CSMD1: variants seen among roughly 807,000 people sequenced by gnomAD.
The protein encoded by CSMD1 is CUB and Sushi multiple domains 1.
CSMD1 carries 213 observed loss-of-function variants against 417.5 expected under a neutral mutation model. The observed-to-expected ratio is 0.51, with a 90% CI of 0.46 to 0.57. The LOEUF (loss-of-function observed/expected upper bound fraction) is 0.57. CSMD1 is among the 20% of genes least tolerant of loss of function. The pLI is 0.00. For missense variants in CSMD1, 6,923 were observed against 4,529.7 expected, an observed-to-expected ratio of 1.53 and a Z score of -15.17; for synonymous variants, 2,862 against 1,736.8, an observed-to-expected ratio of 1.65 and a Z score of -16.11.
intron 2 of CSMD1, among the ~76,000 whole-genome samples, chr8:4,491,355 A>G (rs17343548): frequency 0.082 from 12,448 of 152,190 alleles, 574 homozygotes; most frequent in Middle Eastern, 0.11. Flanking sequence ...CGTGTCCAGG[A>G]TTTTCTAGCA....
intron 3 of CSMD1, among the ~76,000 whole-genome samples, chr8:4,299,239 C>T (rs1797851210): frequency 6.6e-6 from 1 of 152,084 alleles, no homozygotes; most frequent in Non-Finnish European, 1.5e-5. Context: ...TAAAATAAGA[C>T]ACTGTAAATA....
chr8:3,033,223 T>A (rs1247299650), intron 50 of CSMD1, among the ~76,000 whole-genome samples: 6 of 152,128 alleles, frequency 3.9e-5, no homozygotes, highest in Non-Finnish European at 8.8e-5. Flanking sequence ...AGTGAAAACA[T>A]TCTCTTTGAT....
At chr8:4,894,861 T>C (rs968031572) in intron 1 of CSMD1, among the ~76,000 whole-genome samples, 10 of 152,160 alleles carry the variant, frequency 6.6e-5, no homozygotes, top group African/African-American at 2.2e-4. Context: ...GTTCTCTGTG[T>C]GACTTTATAT....
rs189667193 is a variant in CSMD1, at chr8:4,895,778, A to G, written c.85+98554T>C. ...CAAAGATATTAAACTTTACCAAAGT[A>G]AATTTAAAATCAATAAGCTGTACAG... On this transcript the variant is annotated intron_variant, in intron 1 of 69. Transcript: ENST00000635120. Among the ~76,000 whole-genome samples, 27 of 152,210 alleles carry G rather than the reference A, an allele frequency of 1.8e-4. No homozygotes were observed. In the East Asian group the frequency reaches 3.5e-3, roughly 20 times the overall value.
chr8:3,910,457 G>A (rs553616322), intron 5 of CSMD1, among the ~76,000 whole-genome samples: 1 of 152,072 alleles, frequency 6.6e-6, no homozygotes, highest in Non-Finnish European at 1.5e-5. Flanking sequence ...TAAGTGTTCA[G>A]GTTTTATTTT....
intron 3 of CSMD1, among the ~76,000 whole-genome samples, chr8:4,195,566 T>C (rs569693647): frequency 2.6e-5 from 4 of 152,128 alleles, no homozygotes; most frequent in Non-Finnish European, 4.4e-5. Flanking sequence ...ACCAATAGTA[T>C]ATGGTAGAGG....
intron 10 of CSMD1, among the ~76,000 whole-genome samples, chr8:3,510,916 G>T (rs779904692): frequency 6.6e-6 from 1 of 151,708 alleles, no homozygotes; most frequent in Non-Finnish European, 1.5e-5. Context: ...CCCTTCGTCA[G>T]AGATACATGC....
intron 7 of CSMD1, among the ~76,000 whole-genome samples, chr8:3,626,964 T>C (rs1249439508): frequency 6.6e-6 from 1 of 151,696 alleles, no homozygotes; most frequent in Admixed American, 6.6e-5. Flanking sequence ...TTATACAGTG[T>C]TTAGTATTTG....
At chr8:3,759,224 T>A (rs1797849785) in intron 5 of CSMD1, among the ~76,000 whole-genome samples, 1 of 152,206 alleles carries the variant, frequency 6.6e-6, no homozygotes, top group Non-Finnish European at 1.5e-5. Context: ...AGCTTTTATA[T>A]GTCAACCATA....
At chr8:3,420,093 A>G (rs967524104) in intron 12 of CSMD1, among the ~76,000 whole-genome samples, 1 of 152,182 alleles carries the variant, frequency 6.6e-6, no homozygotes, top group African/African-American at 2.4e-5. Context: ...TAACATCATC[A>G]TTGATATTAC....
chr8:3,113,759 C>G (rs1203106077), intron 42 of CSMD1, among the ~76,000 whole-genome samples: 1 of 152,204 alleles, frequency 6.6e-6, no homozygotes, highest in Non-Finnish European at 1.5e-5. Context: ...GAAGCCACAG[C>G]TCGAAGATAC....
chr8:4,768,546 C>T (rs1054620240), intron 1 of CSMD1, among the ~76,000 whole-genome samples: 1 of 152,180 alleles, frequency 6.6e-6, no homozygotes, highest in Non-Finnish European at 1.5e-5. Context: ...TTGTTTGAGC[C>T]TCTTCTGTAG....
intron 10 of CSMD1, among the ~76,000 whole-genome samples, chr8:3,564,275 GA>G (rs998102610): frequency 2.2e-3 from 329 of 151,696 alleles, no homozygotes; most frequent in African/African-American, 7.7e-3. Flanking sequence ...CTTTTATTAA[GA>G]AAAAAAAGAA....
At chr8:4,638,538 G>C (rs926918878) in intron 1 of CSMD1, among the ~76,000 whole-genome samples, 1 of 152,188 alleles carries the variant, frequency 6.6e-6, no homozygotes, top group African/African-American at 2.4e-5. Context: ...ATGTCTACCC[G>C]TTCACACAGG....
chr8:4,204,020 G>A (rs1205269351), intron 3 of CSMD1, among the ~76,000 whole-genome samples: 6 of 152,184 alleles, frequency 3.9e-5, no homozygotes, highest in Non-Finnish European at 8.8e-5. Flanking sequence ...AGAATCACTT[G>A]AGCCCAGTGG....
intron 1 of CSMD1, among the ~76,000 whole-genome samples, chr8:4,952,702 G>T (rs1057096011): frequency 1.3e-5 from 2 of 152,124 alleles, no homozygotes; most frequent in Non-Finnish European, 2.9e-5. Context: ...ACATTAAAAT[G>T]AGTATTAAAA....
At chr8:3,023,058 G>A (rs1809572086) in intron 51 of CSMD1, among the ~76,000 whole-genome samples, 2 of 152,236 alleles carry the variant, frequency 1.3e-5, no homozygotes, top group Non-Finnish European at 2.9e-5. Flanking sequence ...CCTGAGTGAT[G>A]TCCAATGTCC....
At chr8:3,716,124 C>G (rs186880034) in intron 6 of CSMD1, among the ~76,000 whole-genome samples, 2 of 152,194 alleles carry the variant, frequency 1.3e-5, no homozygotes, top group Non-Finnish European at 2.9e-5. Flanking sequence ...TTCCAGAACT[C>G]CACCCTGTTT....
chr8:3,928,103 A>G (rs1809876113), intron 5 of CSMD1, among the ~76,000 whole-genome samples: 1 of 152,198 alleles, frequency 6.6e-6, no homozygotes, highest in Admixed American at 6.5e-5. Flanking sequence ...AGTATAAAGG[A>G]CATACAAAGG....
Sources: allele counts gnomAD v4.1 joint callset (sites outside exome capture counted in the v4.1 genomes callset), GRCh38; gene constraint gnomAD v4.1.1; transcripts MANE v1.5; gene names NCBI Gene and HGNC (gene_info 2026-07-23, HGNC 2026-07-21).